KDM2A: variants seen among roughly 807,000 people sequenced by gnomAD.
The protein encoded by KDM2A is lysine demethylase 2A, also known as lysine-specific demethylase 2A.
Under a neutral mutation model 137.3 loss-of-function variants are expected in KDM2A, and 3 were observed. That is an observed-to-expected ratio of 0.02 (90% confidence interval 0.01 to 0.06). The LOEUF is 0.06. KDM2A is among the 10% of genes least tolerant of loss of function. The pLI is 1.00. For missense variants in KDM2A, 738 were observed against 1,510.6 expected, an observed-to-expected ratio of 0.49 and a Z score of 8.48; for synonymous variants, 512 against 541.5, an observed-to-expected ratio of 0.95 and a Z score of 0.76.
At chr11:67,132,267 A>G (rs920656031) in intron 2 of KDM2A, among the ~76,000 whole-genome samples, 12 of 152,188 alleles carry the variant, frequency 7.9e-5, no homozygotes, top group African/African-American at 2.7e-4. Context: ...AAGTATGGAC[A>G]TAGCCATTAG....
intron 11 of KDM2A, 77 bp from the exon 12 acceptor site, chr11:67,231,489 A>G (rs1858719043): frequency 1.5e-6 from 2 of 1,351,408 alleles, no homozygotes; most frequent in Non-Finnish European, 1.0e-6. Context: ...CAAGGCCCCT[A>G]TCATGCCACC....
At chr11:67,238,990 C>T (rs890870283) in intron 12 of KDM2A, among the ~76,000 whole-genome samples, 5 of 152,066 alleles carry the variant, frequency 3.3e-5, no homozygotes, top group Admixed American at 6.6e-5. Flanking sequence ...GCTGGGGATC[C>T]GGGGATCAGG....
intron 10 of KDM2A, among the ~76,000 whole-genome samples, chr11:67,222,038 C>T (rs1388512953): frequency 7.0e-6 from 1 of 143,518 alleles, no homozygotes; most frequent in African/African-American, 2.6e-5. Flanking sequence ...TAGTAAAATA[C>T]TCCTGTTTAA....
At chr11:67,164,429 G>T (rs887977338) in intron 2 of KDM2A, among the ~76,000 whole-genome samples, 10 of 152,078 alleles carry the variant, frequency 6.6e-5, no homozygotes, top group Non-Finnish European at 1.0e-4. Context: ...TTTCTCTGGT[G>T]GCTTGTGTAT....
intron 5 of KDM2A, among the ~76,000 whole-genome samples, chr11:67,199,514 A>T (rs1857565138): frequency 6.6e-6 from 1 of 152,254 alleles, no homozygotes; most frequent in African/African-American, 2.4e-5. Context: ...TAACGGAGAA[A>T]GTCTGAGTGG....
At chr11:67,180,659 CTT>C in intron 3 of KDM2A, among the ~76,000 whole-genome samples, 1 of 148,248 alleles carries the variant, frequency 6.7e-6, no homozygotes, top group East Asian at 2.0e-4. Context: ...GTTTTGTTTA[CTT>C]TTTTTTTTGG....
chr11:67,186,710 C>A (rs560216016), intron 5 of KDM2A, among the ~76,000 whole-genome samples: 4 of 152,148 alleles, frequency 2.6e-5, no homozygotes, highest in African/African-American at 7.2e-5. Context: ...AAATCTAATA[C>A]TGAAACTTTG....
chr11:67,250,659 A>C lies in KDM2A; in HGVS notation c.2629A>C (p.Arg877=). The change falls in exon 17 of 21, where the codon AGG becomes CGG. Residue 877 remains arginine, a synonymous_variant. Coordinates refer to ENST00000529006, the MANE Select transcript of KDM2A (RefSeq NM_012308.3). This position sits in a 1 kb window ranked among gnomAD's most constrained non-coding sequence, Gnocchi z 7.1. The stretch of plus-strand genomic sequence containing the variant: ...CAGTGCAGAGGAGGGGGGTGCAGCC[A>C]GGCTGAATGGCCGGGGCAGTTGGGC... ...DDSAEEGGAA[R]LNGRGSWAQD... The C allele has an allele frequency of 6.2e-7, 1 of 1,608,006 alleles. No individual in the cohort carries two copies. Among genetic ancestry groups the C allele is most frequent in the South Asian group, 1.1e-5 (1 of 90,378 alleles).
intron 2 of KDM2A, among the ~76,000 whole-genome samples, chr11:67,145,639 A>G (rs1856226320): frequency 6.6e-6 from 1 of 151,964 alleles, no homozygotes; most frequent in African/African-American, 2.4e-5. Context: ...AAGACTGGAC[A>G]CCTGGTATTC....
chr11:67,200,600 G>A (rs1415227432), intron 5 of KDM2A, among the ~76,000 whole-genome samples: 1 of 152,026 alleles, frequency 6.6e-6, no homozygotes, highest in African/African-American at 2.4e-5. Flanking sequence ...CAGGCTCAGT[G>A]TCCCTGGGCT....
chr11:67,177,243 G>A (rs1044605803), intron 2 of KDM2A, among the ~76,000 whole-genome samples: 3 of 152,094 alleles, frequency 2.0e-5, no homozygotes, highest in Admixed American at 6.6e-5. Context: ...TCCAGCCTGG[G>A]CAACAGAGCA....
intron 3 of KDM2A, 76 bp downstream of exon 3, chr11:67,180,293 C>T (rs1415206371): frequency 9.8e-6 from 14 of 1,433,584 alleles, no homozygotes. Flanking sequence ...GGGGTTTAGC[C>T]TTTATCCAGC....
chr11:67,188,867 T>A (rs909612390), intron 5 of KDM2A, among the ~76,000 whole-genome samples: 1 of 149,816 alleles, frequency 6.7e-6, no homozygotes, highest in African/African-American at 2.5e-5. Flanking sequence ...CAAGAAGATA[T>A]AACAATTACA....
chr11:67,147,391 A>T (rs1856276613), intron 2 of KDM2A, among the ~76,000 whole-genome samples: 1 of 151,598 alleles, frequency 6.6e-6, no homozygotes, highest in Non-Finnish European at 1.5e-5. Context: ...AAATAAAGAA[A>T]ATTAGCCGGG....
intron 2 of KDM2A, among the ~76,000 whole-genome samples, chr11:67,160,269 T>C (rs1234641713): frequency 6.6e-6 from 1 of 152,210 alleles, no homozygotes; most frequent in Non-Finnish European, 1.5e-5. Flanking sequence ...TCATTATTGA[T>C]GTCTCTGGGT....
chr11:67,228,243 C>A, intron 11 of KDM2A, 80 bp downstream of exon 11: 1 of 1,449,018 alleles, frequency 6.9e-7, no homozygotes. Context: ...TAGGCTGTCA[C>A]TCAATATGTT....
intron 5 of KDM2A, among the ~76,000 whole-genome samples, chr11:67,192,022 G>A (rs997307844): frequency 6.6e-6 from 1 of 152,006 alleles, no homozygotes; most frequent in Non-Finnish European, 1.5e-5. Context: ...ATAAAATTAC[G>A]GAGAATATCA....
intron 12 of KDM2A, among the ~76,000 whole-genome samples, chr11:67,238,951 A>AGT (rs1461721269): frequency 6.6e-6 from 1 of 152,082 alleles, no homozygotes; most frequent in East Asian, 1.9e-4. Flanking sequence ...GACTGAAAGG[A>AGT]GTGTGTGTTC....
At chr11:67,239,079 C>G (rs775659911) in intron 12 of KDM2A, among the ~76,000 whole-genome samples, 6 of 152,192 alleles carry the variant, frequency 3.9e-5, no homozygotes, top group Non-Finnish European at 5.9e-5. Context: ...TGACAGGATG[C>G]AGGACTGGCT....
Sources: gnomAD v4.1 joint callset for allele counts (sites outside exome capture counted in the v4.1 genomes callset) on GRCh38, gnomAD v4.1.1 for gene constraint, Gnocchi (gnomAD v3.1) non-coding constraint, MANE v1.5 for transcripts, NCBI Gene and HGNC (gene_info 2026-07-23, HGNC 2026-07-21) for gene names.